Variants in COG2 observed in about 807,000 individuals in gnomAD.
COG2 encodes conserved oligomeric Golgi complex subunit 2.
A neutral mutation model predicts 90.6 loss-of-function variants in COG2; 52 were observed. The observed-to-expected ratio is 0.57, with a 90% confidence interval of 0.46 to 0.72. The LOEUF is 0.72. Ranked by LOEUF, COG2 falls within the 30% of genes least tolerant of loss-of-function variation. COG2 has a pLI of 0.00. For synonymous variants in COG2, 337 were observed against 320.4 expected (o/e 1.05, Z -0.55); for missense variants, 829 against 891.2 (o/e 0.93, Z 0.89).
chr1:230,671,734 G>A lies in COG2; in HGVS notation c.899+94G>A, dbSNP rs543910400. The A allele has an allele frequency of 1.9e-5, 22 of 1,163,836 alleles. No individual in the cohort carries two copies. The African/African-American group carries it at 2.6e-4, about 14-fold the overall frequency. The allele number at this position is 1,163,836 out of a possible 1,614,324, so 72.1% of individuals were successfully genotyped here. On this transcript the variant is annotated intron_variant, in intron 8 of 17. Transcript: ENST00000366669. ...ACGATGGACGATGACTGTCTTGTAT[G>A]AACTGTCTTGTATGAATCCATTATG...
chr1:230,690,387 G>A lies in COG2; in HGVS notation c.1934+234G>A, dbSNP rs530406648. 7 of 410,618 alleles carry A rather than the reference G, an allele frequency of 1.7e-5. No homozygotes were observed. In the East Asian group the frequency reaches 3.0e-4, roughly 18 times the overall value. The allele number at this position is 410,618 out of a possible 1,614,324, so 25.4% of individuals were successfully genotyped here. ...CTTCAGCCTCGGGGCCGGGCCATGT[G>A]CACAGTGCCCCCGCATCTCCAGGCC... On this transcript the variant is annotated intron_variant, in intron 16 of 17. Transcript: ENST00000366669.
chr1:230,669,634 C>T, intron 7 of COG2, 99 bp downstream of exon 7: 1 of 1,115,172 alleles, frequency 9.0e-7, no homozygotes, highest in Non-Finnish European at 1.2e-6. Context: ...AGAGATCTTT[C>T]TGGAAAGATT....
At chr1:230,672,145 A>G (rs1276356072) in intron 8 of COG2, among the ~76,000 whole-genome samples, 3 of 152,086 alleles carry the variant, frequency 2.0e-5, no homozygotes, top group South Asian at 2.1e-4. Context: ...GCTGTCCACA[A>G]TAATAGAATC....
At chr1:230,649,232 G>T (rs1304293575) in intron 1 of COG2, among the ~76,000 whole-genome samples, 1 of 152,146 alleles carries the variant, frequency 6.6e-6, no homozygotes, top group Non-Finnish European at 1.5e-5. Flanking sequence ...TCAGTAATTT[G>T]GTAACCAAAT....
At chr1:230,655,835 A>G (rs994147704) in intron 1 of COG2, among the ~76,000 whole-genome samples, 13 of 152,116 alleles carry the variant, frequency 8.5e-5, no homozygotes, top group African/African-American at 2.7e-4. Flanking sequence ...GGGAGGGTGT[A>G]TGTGTCCAGG....
chr1:230,668,743 G>GTTCAAA lies in COG2; in HGVS notation c.554_559dup (p.Gln186_Ser187insIleGln). The GTTCAAA allele has an allele frequency of 1.2e-5, 20 of 1,612,656 alleles. No homozygotes were observed. Among genetic ancestry groups the GTTCAAA allele is most frequent in the Non-Finnish European group, 1.7e-5 (20 of 1,179,276 alleles). ...ATTTAATCAGTTACAGTTTCATGCT[G>GTTCAAA]TTCAAAGCAAAGGCATGCCTCTTTT... On this transcript the variant is annotated inframe_insertion, in exon 6 of 18. Transcript: ENST00000366669.
intron 1 of COG2, chr1:230,643,145 A>G (rs1032979687): frequency 3.2e-5 from 5 of 154,786 alleles, no homozygotes; most frequent in African/African-American, 1.2e-4. Flanking sequence ...TAAAGCTTCC[A>G]GAATGGGATA....
chr1:230,654,834 A>G (rs1352137105), intron 1 of COG2, among the ~76,000 whole-genome samples: 1 of 152,048 alleles, frequency 6.6e-6, no homozygotes, highest in Non-Finnish European at 1.5e-5. Context: ...TTGTATTCCT[A>G]GTTATTTTAT....
At chr1:230,673,943 C>T (rs1009687685) in intron 8 of COG2, among the ~76,000 whole-genome samples, 1 of 152,116 alleles carries the variant, frequency 6.6e-6, no homozygotes, top group African/African-American at 2.4e-5. Context: ...TGTTAAGTCC[C>T]GTTTTGACAT....
In COG2 at chr1:230,685,140, G is replaced by T. The variant is rs1194562705; in HGVS notation, c.1284G>T (p.Arg428Ser). Residue 428 changes from arginine (R) to serine (S), a missense_variant, in exon 12 of 18, where the codon AGG (arginine) becomes AGT (serine). Coordinates refer to ENST00000366669, the MANE Select transcript of COG2 (RefSeq NM_007357.3). Reference protein sequence around the residue: ...ASHRTWSSLRRCWSDEMFLPL... With the variant: ...ASHRTWSSLRSCWSDEMFLPL... ...ATAGAACTTGGAGCAGCCTTAGGAGGTGTTGGTCAGATGAGATGTTCTTGC... is the reference window on the plus strand; with the variant it reads ...ATAGAACTTGGAGCAGCCTTAGGAGTTGTTGGTCAGATGAGATGTTCTTGC... 1 of 1,614,176 alleles carries T rather than the reference G, an allele frequency of 6.2e-7. No individual in the cohort carries two copies.
At position 230,690,608 on chromosome 1, in the gene COG2, C is replaced by G. The variant is rs3789656; in HGVS notation, c.1934+455C>G. Among the ~76,000 whole-genome samples the G allele has an allele frequency of 2.0e-5, 3 of 152,324 alleles. No individual in the cohort carries two copies. In the East Asian group the frequency reaches 5.8e-4, roughly 29 times the overall value. ...AAAGTAATTACAGCTGACAAGGACT[C>G]GATTCCTAAAACCTCTAAAACACTT... is the stretch of plus-strand genomic sequence containing the variant. On this transcript the variant is annotated intron_variant, in intron 16 of 17. Transcript: ENST00000366669.
chr1:230,679,398 C>T (rs2102766364), intron 10 of COG2: 1 of 169,792 alleles, frequency 5.9e-6, no homozygotes, highest in African/African-American at 2.4e-5. Context: ...TCCATTTTCC[C>T]TATTTCATCG....
intron 10 of COG2, chr1:230,679,931 A>C (rs892080217): frequency 6.6e-6 from 1 of 152,222 alleles, no homozygotes; most frequent in Non-Finnish European, 1.5e-5. Flanking sequence ...CCTGATGATA[A>C]TTGCTTGAGA....
intron 5 of COG2, among the ~76,000 whole-genome samples, chr1:230,667,472 C>T (rs926079672): frequency 1.1e-4 from 16 of 152,010 alleles, no homozygotes; most frequent in Admixed American, 7.2e-4. Flanking sequence ...TTCCTTGCTC[C>T]GAATCGTCTT....
intron 1 of COG2, among the ~76,000 whole-genome samples, chr1:230,657,641 G>C (rs12757266): frequency 0.047 from 7,128 of 152,226 alleles, 207 homozygotes; most frequent in Middle Eastern, 0.088. Flanking sequence ...AGTTCTCCCG[G>C]ATAACATTCT....
chr1:230,661,685 A>G (rs547932856), intron 3 of COG2: 5 of 151,860 alleles, frequency 3.3e-5, no homozygotes, highest in South Asian at 2.1e-4. Flanking sequence ...GTAGTGCTGA[A>G]AAAAAAAATG....
chr1:230,660,862 G>C, intron 3 of COG2, 39 bp downstream of exon 3: 1 of 1,381,492 alleles, frequency 7.2e-7, no homozygotes, highest in South Asian at 1.4e-5. Context: ...TTACCCTAAA[G>C]CATGATATGC....
chr1:230,655,910 T>C (rs1270092968), intron 1 of COG2, among the ~76,000 whole-genome samples: 1 of 152,228 alleles, frequency 6.6e-6, no homozygotes, highest in African/African-American at 2.4e-5. Flanking sequence ...TGTTCTCTGA[T>C]GGTAGTCTGT....
intron 5 of COG2, among the ~76,000 whole-genome samples, chr1:230,666,915 A>C (rs1173058465): frequency 6.6e-6 from 1 of 152,226 alleles, no homozygotes; most frequent in African/African-American, 2.4e-5. Context: ...TGCTTTCTTT[A>C]AAACTGTCTC....
Sources: allele counts gnomAD v4.1 joint callset (sites outside exome capture counted in the v4.1 genomes callset), GRCh38; gene constraint gnomAD v4.1.1; transcripts MANE v1.5; gene names NCBI Gene and HGNC (gene_info 2026-07-23, HGNC 2026-07-21).